Variants in FGF14 observed in about 807,000 individuals in gnomAD.
FGF14 encodes the protein fibroblast growth factor 14, also known as fibroblast growth factor homologous factor 4.
FGF14 carries 5 observed loss-of-function variants against 25.5 expected under a neutral mutation model. The observed-to-expected ratio is 0.20, with a 90% CI of 0.10 to 0.41. The LOEUF is 0.41. Among genes scored for constraint, FGF14 ranks in the 10% least tolerant of loss-of-function variants. FGF14 has a pLI of 1.00. For missense variants in FGF14, 222 were observed against 320.1 expected, an observed-to-expected ratio of 0.69 and a Z score of 2.34; for synonymous variants, 138 against 118.3, an observed-to-expected ratio of 1.17 and a Z score of -1.08.
intron 1 of FGF14, among the ~76,000 whole-genome samples, chr13:101,930,741 T>A (rs1256403473): frequency 6.6e-6 from 1 of 152,188 alleles, no homozygotes; most frequent in African/African-American, 2.4e-5. Flanking sequence ...ATACTGCTAA[T>A]CCCTCTAGGT....
intron 1 of FGF14, among the ~76,000 whole-genome samples, chr13:102,171,360 T>C (rs2048237028): frequency 6.6e-6 from 1 of 152,176 alleles, no homozygotes; most frequent in Non-Finnish European, 1.5e-5. Context: ...TAATAATGTC[T>C]TCAAAAAATC....
At chr13:102,392,569 G>T (rs1255876429) in intron 1 of FGF14, among the ~76,000 whole-genome samples, 3 of 152,126 alleles carry the variant, frequency 2.0e-5, no homozygotes, top group Non-Finnish European at 4.4e-5. Context: ...GCTGTTAAAA[G>T]CTACCTCGGC....
chr13:102,165,788 T>C (rs145317910), intron 1 of FGF14, among the ~76,000 whole-genome samples: 2,394 of 150,468 alleles, frequency 0.016, 119 homozygotes, highest in Admixed American at 0.09. Context: ...TGTGCACATG[T>C]ACCCTAAAAC....
chr13:101,834,087 T>C (rs1292447285), intron 3 of FGF14, among the ~76,000 whole-genome samples: 3 of 152,040 alleles, frequency 2.0e-5, no homozygotes, highest in Non-Finnish European at 2.9e-5. Flanking sequence ...GAGACTACAA[T>C]AGAGACTGAA....
intron 1 of FGF14, among the ~76,000 whole-genome samples, chr13:102,374,103 T>C (rs1178407742): frequency 1.3e-5 from 2 of 152,152 alleles, no homozygotes; most frequent in Non-Finnish European, 2.9e-5. Context: ...GTGACCCTAC[T>C]ATGACATCGT....
intron 1 of FGF14, among the ~76,000 whole-genome samples, chr13:102,361,280 G>A (rs1326555664): frequency 6.6e-6 from 1 of 152,146 alleles, no homozygotes; most frequent in East Asian, 1.9e-4. Context: ...AGGAGAGGAG[G>A]TGAGCCAAGA....
intron 1 of FGF14, among the ~76,000 whole-genome samples, chr13:102,228,215 T>C (rs1300189744): frequency 6.6e-6 from 1 of 152,176 alleles, no homozygotes; most frequent in Non-Finnish European, 1.5e-5. Context: ...CTCAGGTATG[T>C]TGGACAGTTT....
At chr13:102,398,754 C>T (rs950537636) in intron 1 of FGF14, among the ~76,000 whole-genome samples, 6 of 151,704 alleles carry the variant, frequency 4.0e-5, no homozygotes, top group Non-Finnish European at 7.4e-5. Context: ...GAATGGAACT[C>T]ACGAAGTACA....
intron 1 of FGF14, among the ~76,000 whole-genome samples, chr13:102,046,727 G>C (rs1387371896): frequency 6.6e-6 from 1 of 152,148 alleles, no homozygotes; most frequent in East Asian, 1.9e-4. Flanking sequence ...TTGTTGAAAA[G>C]TACAGGTGGA....
intron 3 of FGF14, among the ~76,000 whole-genome samples, chr13:101,839,409 G>C (rs2043091249): frequency 6.6e-6 from 1 of 151,918 alleles, no homozygotes; most frequent in Non-Finnish European, 1.5e-5. Context: ...AGACAGATTG[G>C]GTTTGGGCCA....
At chr13:101,727,192 A>G (rs2035495409) in intron 3 of FGF14, among the ~76,000 whole-genome samples, 1 of 152,134 alleles carries the variant, frequency 6.6e-6, no homozygotes, top group Admixed American at 6.6e-5. Context: ...AATCCATTTT[A>G]CATGTTTCCA....
Position 101,946,140 on chromosome 13 carries a change from G to A in FGF14, c.209-70844C>T, listed in dbSNP as rs180861054. ...GGTTGGGGCAACAGGGTTCTCACTCGTGTTTAAGATCTCCTTATTTCAGCC... is the reference window on the plus strand; with the variant it reads ...GGTTGGGGCAACAGGGTTCTCACTCATGTTTAAGATCTCCTTATTTCAGCC... On this transcript the variant is annotated intron_variant, in intron 1 of 4. Transcript: ENST00000376131. 7.9e-5 allele frequency among the ~76,000 whole-genome samples: 12 copies of A among 152,080 alleles called. No homozygotes were observed. In the East Asian group the frequency reaches 1.5e-3, roughly 20 times the overall value.
intron 1 of FGF14, among the ~76,000 whole-genome samples, chr13:102,228,216 T>C (rs1411002256): frequency 6.6e-6 from 1 of 152,218 alleles, no homozygotes; most frequent in Admixed American, 6.5e-5. Flanking sequence ...TCAGGTATGT[T>C]GGACAGTTTT....
chr13:101,751,910 AAAAAACAAAACAAAAC>A (rs2037307664), intron 3 of FGF14, among the ~76,000 whole-genome samples: 1 of 152,094 alleles, frequency 6.6e-6, no homozygotes, highest in African/African-American at 2.4e-5. Flanking sequence ...CTCTGGGGGA[AAAAAACAAAACAAAAC>A]AAAAACAAAC....
chr13:101,991,761 T>C (rs1425087364), intron 1 of FGF14, among the ~76,000 whole-genome samples: 7 of 152,102 alleles, frequency 4.6e-5, no homozygotes. Flanking sequence ...GAAGACTCAA[T>C]GTGGACCAGG....
chr13:101,793,972 C>A (rs568931592), intron 3 of FGF14, among the ~76,000 whole-genome samples: 1 of 152,086 alleles, frequency 6.6e-6, no homozygotes, highest in East Asian at 1.9e-4. Context: ...TAGGTAAATA[C>A]CTTCAGGGAG....
At chr13:102,386,136 T>C (rs1020624664) in intron 1 of FGF14, among the ~76,000 whole-genome samples, 16 of 150,392 alleles carry the variant, frequency 1.1e-4, no homozygotes, top group Non-Finnish European at 2.4e-4. Flanking sequence ...TACAGTAATT[T>C]TTTTTTTTTT....
chr13:102,254,432 A>G (rs906053538), intron 1 of FGF14, among the ~76,000 whole-genome samples: 1 of 152,174 alleles, frequency 6.6e-6, no homozygotes, highest in Non-Finnish European at 1.5e-5. Flanking sequence ...TTGGGTTTAC[A>G]GGAGCTTCCA....
intron 3 of FGF14, among the ~76,000 whole-genome samples, chr13:101,842,199 ATTC>A (rs1425197247): frequency 6.6e-6 from 1 of 151,936 alleles, no homozygotes; most frequent in Non-Finnish European, 1.5e-5. Context: ...TTTTTCCAGT[ATTC>A]TTCTCTGCCC....
Sources: gnomAD v4.1 joint callset for allele counts (sites outside exome capture counted in the v4.1 genomes callset) on GRCh38, gnomAD v4.1.1 for gene constraint, MANE v1.5 for transcripts, NCBI Gene and HGNC (gene_info 2026-07-23, HGNC 2026-07-21) for gene names.